The following SLC24A2 variants were observed in gnomAD, a reference collection of about 807,000 sequenced individuals.
The protein encoded by SLC24A2 is sodium/potassium/calcium exchanger 2.
In SLC24A2, 36 loss-of-function variants were observed where a neutral mutation model predicts 62.0. The ratio of observed to expected loss-of-function variants is 0.58; its 90% CI spans 0.44 to 0.77. SLC24A2 has a LOEUF of 0.77. SLC24A2 is among the 30% of genes least tolerant of loss of function. The pLI, the probability that SLC24A2 is intolerant of heterozygous loss-of-function variation, is 0.00. For synonymous variants in SLC24A2, 358 were observed against 294.0 expected, an observed-to-expected ratio of 1.22 and a Z score of -2.23; for missense variants, 846 against 817.9, an observed-to-expected ratio of 1.03 and a Z score of -0.42.
the SLC24A2 span, among the ~76,000 whole-genome samples, chr9:20,151,716 C>T: frequency 6.6e-6 from 1 of 151,802 alleles, no homozygotes; most frequent in African/African-American, 2.4e-5. Flanking sequence ...CAGTCTCTGC[C>T]TTACCCACTA....
the SLC24A2 span, among the ~76,000 whole-genome samples, chr9:19,911,384 G>T: frequency 6.6e-6 from 1 of 152,152 alleles, no homozygotes; most frequent in Non-Finnish European, 1.5e-5. Context: ...ACATACGTGT[G>T]CATGTGTCTT....
At chr9:19,914,921 T>G in the SLC24A2 span, among the ~76,000 whole-genome samples, 2 of 152,144 alleles carry the variant, frequency 1.3e-5, no homozygotes, top group Non-Finnish European at 2.9e-5. Flanking sequence ...GTATTTTATT[T>G]TAAAACATGT....
At chr9:20,243,367 T>C in the SLC24A2 span, among the ~76,000 whole-genome samples, 1 of 152,254 alleles carries the variant, frequency 6.6e-6, no homozygotes, top group African/African-American at 2.4e-5. Flanking sequence ...GCTTTTGTGA[T>C]TCTATTTATG....
At chr9:20,086,123 T>A in the SLC24A2 span, among the ~76,000 whole-genome samples, 1 of 152,112 alleles carries the variant, frequency 6.6e-6, no homozygotes, top group East Asian at 1.9e-4. Context: ...TTTGTTAGAG[T>A]CAAGTCCATC....
chr9:19,884,081 C>T, the SLC24A2 span, among the ~76,000 whole-genome samples: 5 of 152,114 alleles, frequency 3.3e-5, no homozygotes, highest in Non-Finnish European at 7.4e-5. Flanking sequence ...GTTGATATGC[C>T]TACTTTTTGT....
chr9:19,727,380 A>T (rs1377165543), intron 2 of SLC24A2, among the ~76,000 whole-genome samples: 2 of 152,178 alleles, frequency 1.3e-5, no homozygotes, highest in African/African-American at 2.4e-5. Flanking sequence ...ATCATTTTGC[A>T]TTAGAGTTTT....
At chr9:19,721,039 T>G (rs981346566) in intron 2 of SLC24A2, among the ~76,000 whole-genome samples, 3 of 152,172 alleles carry the variant, frequency 2.0e-5, no homozygotes, top group African/African-American at 7.2e-5. Context: ...TATCAGTTTC[T>G]GATCCTTCTT....
the SLC24A2 span, among the ~76,000 whole-genome samples, chr9:20,031,433 A>C: frequency 6.7e-6 from 1 of 149,194 alleles, no homozygotes; most frequent in African/African-American, 2.4e-5. Context: ...ACACACTTTA[A>C]AAGTAGAGAA....
the SLC24A2 span, among the ~76,000 whole-genome samples, chr9:19,813,889 G>A: frequency 3.9e-5 from 6 of 152,126 alleles, no homozygotes; most frequent in Admixed American, 3.9e-4. Context: ...TCATCAGACA[G>A]TAAATCTCAG....
chr9:19,584,273 T>TAA (rs5896848), intron 5 of SLC24A2, among the ~76,000 whole-genome samples: 12 of 119,934 alleles, frequency 1.0e-4, no homozygotes, highest in African/African-American at 2.5e-4. Flanking sequence ...TAGCAAATAG[T>TAA]AAAAAAAAAA....
the SLC24A2 span, among the ~76,000 whole-genome samples, chr9:19,815,725 T>A: frequency 2.0e-5 from 3 of 152,108 alleles, no homozygotes; most frequent in Non-Finnish European, 4.4e-5. Flanking sequence ...ATATGGTTGT[T>A]AAGTTTTGAA....
the SLC24A2 span, among the ~76,000 whole-genome samples, chr9:20,272,994 A>G: frequency 6.6e-6 from 1 of 152,194 alleles, no homozygotes; most frequent in Non-Finnish European, 1.5e-5. Flanking sequence ...AGCCTAGGTC[A>G]CATGCCCACA....
At position 19,528,056 on chromosome 9, in the gene SLC24A2, GC is replaced by G; in HGVS notation, c.1561del (p.Ala521ArgfsTer17). 6.3e-7 allele frequency: 1 copy of G among 1,582,850 alleles called. No homozygotes were observed. The highest frequency in any genetic ancestry group is 1.2e-5 in the South Asian group (1 of 86,678). ...AVFSYLMVWW[A>X]HQVGETIGIS... is the part of the protein sequence containing the mutation. ...TCACTATCAAAATCTTACCTGGTGC[GC>G]CCACCAGACCATCAAGTAAGAGAAT... On this transcript the variant is annotated frameshift_variant, in exon 9 of 11. Transcript: ENST00000341998. LOFTEE classifies it high-confidence loss of function.
At chr9:20,250,517 A>T in the SLC24A2 span, among the ~76,000 whole-genome samples, 21 of 152,310 alleles carry the variant, frequency 1.4e-4, no homozygotes, top group African/African-American at 5.1e-4. Flanking sequence ...TTGCTCAGAC[A>T]CTAGACCTTG....
chr9:20,025,113 A>G, the SLC24A2 span, among the ~76,000 whole-genome samples: 4 of 152,140 alleles, frequency 2.6e-5, no homozygotes, highest in Admixed American at 2.6e-4. Flanking sequence ...ACAATACTTA[A>G]CCAAAGTTCA....
At chr9:19,860,222 G>C in the SLC24A2 span, among the ~76,000 whole-genome samples, 36 of 152,206 alleles carry the variant, frequency 2.4e-4, no homozygotes, top group East Asian at 6.0e-3. Context: ...TGAAAGAGTG[G>C]GGAGGACTTT....
the SLC24A2 span, among the ~76,000 whole-genome samples, chr9:20,298,218 G>A: frequency 6.6e-6 from 1 of 152,102 alleles, no homozygotes; most frequent in African/African-American, 2.4e-5. Context: ...TTGAGGTTCA[G>A]AAAGATTAAT....
At chr9:20,239,874 T>TG in the SLC24A2 span, among the ~76,000 whole-genome samples, 237 of 130,234 alleles carry the variant, frequency 1.8e-3, 2 homozygotes, top group African/African-American at 5.8e-3. Flanking sequence ...CCTTGCCTTC[T>TG]GGCTTTTTTT....
chr9:19,979,663 C>T, the SLC24A2 span, among the ~76,000 whole-genome samples: 1 of 152,234 alleles, frequency 6.6e-6, no homozygotes, highest in South Asian at 2.1e-4. Context: ...TACTAGCTGA[C>T]TTTAGGATGG....
Sources: allele counts gnomAD v4.1 joint callset (sites outside exome capture counted in the v4.1 genomes callset), GRCh38; gene constraint gnomAD v4.1.1; transcripts MANE v1.5; gene names NCBI Gene and HGNC (gene_info 2026-07-23, HGNC 2026-07-21).